Variants in VTA1 observed in about 807,000 individuals in gnomAD.
The protein encoded by VTA1 is vesicle trafficking 1, also known as vacuolar protein sorting-associated protein VTA1 homolog.
VTA1 carries 24 observed loss-of-function variants against 36.9 expected under a neutral mutation model. That is an observed-to-expected ratio of 0.65 (90% CI 0.47 to 0.91). The LOEUF is 0.91. VTA1 is among the 40% of genes least tolerant of loss of function. The probability of loss-of-function intolerance (pLI) is 0.00; values close to 1 mark genes in which losing one functional copy is unlikely to be tolerated. For missense variants in VTA1, 393 were observed against 377.2 expected, an observed-to-expected ratio of 1.04 and a Z score of -0.35; for synonymous variants, 142 against 130.2, an observed-to-expected ratio of 1.09 and a Z score of -0.62.
rs372478088 is a variant in VTA1, at chr6:142,203,979, T to C, written c.698-6T>C. On this transcript the variant is annotated splice_polypyrimidine_tract_variant and splice_region_variant and intron_variant, in intron 6 of 7. Transcript: ENST00000367630. ...CTATGCCCATTTTTGCTTTTCTGAT[T>C]TGCAGGTGTAGCAAGTAATACTATC... 6.2e-7 allele frequency: 1 copy of C among 1,612,944 alleles called. No homozygotes were observed. The highest frequency in any genetic ancestry group is 8.5e-7 in the Non-Finnish European group (1 of 1,179,244).
chr6:142,203,212 A>G (rs761258577), intron 6 of VTA1, among the ~76,000 whole-genome samples: 8 of 152,044 alleles, frequency 5.3e-5, no homozygotes, highest in Non-Finnish European at 7.4e-5. Flanking sequence ...TTCTTATTCC[A>G]GTATTTTTCC....
chr6:142,156,012 G>A (rs1166375077), intron 1 of VTA1, among the ~76,000 whole-genome samples: 1 of 152,172 alleles, frequency 6.6e-6, no homozygotes, highest in Admixed American at 6.5e-5. Flanking sequence ...TGCTCAAAAA[G>A]TGTTAGCCAA....
chr6:142,161,538 G>GAAA (rs1323736518), intron 1 of VTA1, among the ~76,000 whole-genome samples: 1 of 151,966 alleles, frequency 6.6e-6, no homozygotes, highest in East Asian at 1.9e-4. Context: ...ATTCAAGTTG[G>GAAA]AAAGTATTTA....
intron 2 of VTA1, among the ~76,000 whole-genome samples, chr6:142,168,157 T>C (rs941241709): frequency 6.6e-6 from 1 of 152,224 alleles, no homozygotes; most frequent in African/African-American, 2.4e-5. Flanking sequence ...TATTTTCTGA[T>C]GAAGATGAGA....
In VTA1 at chr6:142,221,300, GACAT is replaced by G. The variant is rs1045957459; in HGVS notation, c.*2659_*2662del. On this transcript the variant is annotated 3_prime_UTR_variant, in exon 8 of 8. Coordinates refer to ENST00000367630, the MANE Select transcript of VTA1 (RefSeq NM_016485.5). The stretch of plus-strand genomic sequence containing the variant: ...GATAGGAGATGCTTAGGTGTGTACA[GACAT>G]ATGCATATTTCAATAGAATAGCCAG... The G allele has an allele frequency of 5.3e-5, 8 of 152,168 alleles. No homozygotes were observed. Among genetic ancestry groups the G allele is most frequent in the Non-Finnish European group, 1.2e-4 (8 of 68,076 alleles). 9.4% of individuals were successfully genotyped at this position (152,168 alleles called of 1,614,324 possible). A position where few individuals can be genotyped will look rare whatever the true frequency, so the allele number is the denominator to read the frequency against.
At chr6:142,181,094 A>AAAAAATATATATATAT (rs1471429927) in intron 4 of VTA1, among the ~76,000 whole-genome samples, 62 of 36,412 alleles carry the variant, frequency 1.7e-3, no homozygotes, top group Non-Finnish European at 2.6e-3. Flanking sequence ...AAAAAAAAAA[A>AAAAAATATATATATAT]ATATATATAT....
chr6:142,200,809 T>TA (rs1190455246), intron 6 of VTA1, among the ~76,000 whole-genome samples: 1 of 151,980 alleles, frequency 6.6e-6, no homozygotes, highest in Non-Finnish European at 1.5e-5. Flanking sequence ...AGAATAAAAC[T>TA]AAAAAACTTA....
At chr6:142,200,952 A>C in intron 6 of VTA1, among the ~76,000 whole-genome samples, 1 of 152,084 alleles carries the variant, frequency 6.6e-6, no homozygotes, top group Non-Finnish European at 1.5e-5. Context: ...TTAACTTACA[A>C]ACTCTCAAGA....
At chr6:142,176,612 T>C (rs1458926876) in intron 4 of VTA1, among the ~76,000 whole-genome samples, 1 of 152,140 alleles carries the variant, frequency 6.6e-6, no homozygotes, top group Non-Finnish European at 1.5e-5. Flanking sequence ...TTTTTTTTTT[T>C]TTTTAAATTT....
chr6:142,193,507 A>C (rs1775491936), intron 5 of VTA1, among the ~76,000 whole-genome samples: 1 of 151,994 alleles, frequency 6.6e-6, no homozygotes, highest in African/African-American at 2.4e-5. Context: ...ATTAGTTGGC[A>C]CTCTATCATA....
At chr6:142,162,455 A>T (rs1052200465) in intron 1 of VTA1, among the ~76,000 whole-genome samples, 1 of 152,140 alleles carries the variant, frequency 6.6e-6, no homozygotes, top group African/African-American at 2.4e-5. Context: ...ATTTTATCAT[A>T]TTGGCCAGTG....
At chr6:142,198,744 C>A in intron 6 of VTA1, 129 bp downstream of exon 6, 1 of 787,938 alleles carries the variant, frequency 1.3e-6, no homozygotes, top group Non-Finnish European at 1.9e-6. Flanking sequence ...CCATTTGAAC[C>A]CACAAGAAAC....
At chr6:142,174,828 C>T (rs1775089189) in intron 4 of VTA1, among the ~76,000 whole-genome samples, 5 of 152,230 alleles carry the variant, frequency 3.3e-5, no homozygotes, top group Admixed American at 2.6e-4. Flanking sequence ...TTTAAAAGAG[C>T]CTGGCGTCTC....
At chr6:142,189,992 T>C (rs552509627) in intron 5 of VTA1, among the ~76,000 whole-genome samples, 72 of 152,198 alleles carry the variant, frequency 4.7e-4, no homozygotes, top group East Asian at 1.4e-3. Context: ...CTCCTGACCT[T>C]GTGATCCGCC....
chr6:142,179,082 A>G (rs1674316003), intron 4 of VTA1, among the ~76,000 whole-genome samples: 1 of 152,106 alleles, frequency 6.6e-6, no homozygotes, highest in African/African-American at 2.4e-5. Flanking sequence ...CTTTCAAACT[A>G]TATGAAACAA....
chr6:142,178,222 T>C (rs189599282), intron 4 of VTA1, among the ~76,000 whole-genome samples: 48 of 152,158 alleles, frequency 3.2e-4, no homozygotes, highest in African/African-American at 1.1e-3. Flanking sequence ...AACAGTGTTG[T>C]GAGGGATAGC....
intron 1 of VTA1, among the ~76,000 whole-genome samples, chr6:142,150,269 C>G (rs1460893118): frequency 6.6e-6 from 1 of 152,148 alleles, no homozygotes; most frequent in South Asian, 2.1e-4. Flanking sequence ...TGACTTCTTT[C>G]CTTACAATTG....
Position 142,221,680 on chromosome 6 carries a change from G to A in VTA1, c.*3037G>A, listed in dbSNP as rs1001854678. Reference sequence around the variant, plus strand: ...AAAGAGTATTAACAATAGGCCGGGGGCGGTGGTTCGCACCTGCAATCCCAG... The same window carrying A: ...AAAGAGTATTAACAATAGGCCGGGGACGGTGGTTCGCACCTGCAATCCCAG... On this transcript the variant is annotated 3_prime_UTR_variant, in exon 8 of 8. Transcript: ENST00000367630. 2 of 151,760 alleles carry A rather than the reference G, an allele frequency of 1.3e-5. No individual in the cohort carries two copies. The highest frequency in any genetic ancestry group is 4.8e-5 in the African/African-American group (2 of 41,306). 9.4% of individuals were successfully genotyped at this position (151,760 alleles called of 1,614,324 possible).
chr6:142,164,182 C>T lies in VTA1; in HGVS notation c.113-2046C>T, dbSNP rs556844444. On this transcript the variant is annotated intron_variant, in intron 1 of 7. Transcript: ENST00000367630. The stretch of plus-strand genomic sequence containing the variant: ...GAAATTTTGGCAATACAGTAAGATA[C>T]AGTAAGCTTAAATTTGAGGAGGAAA... Among the ~76,000 whole-genome samples, 13 of 152,168 alleles carry T rather than the reference C, an allele frequency of 8.5e-5. No homozygotes were observed. In the South Asian group the frequency reaches 2.7e-3, roughly 32 times the overall value.
Sources: gnomAD v4.1 joint callset for allele counts (sites outside exome capture counted in the v4.1 genomes callset) on GRCh38, gnomAD v4.1.1 for gene constraint, MANE v1.5 for transcripts, NCBI Gene and HGNC (gene_info 2026-07-23, HGNC 2026-07-21) for gene names.